The following KAZN variants were observed in gnomAD, a reference collection of about 807,000 sequenced individuals.
The protein encoded by KAZN is kazrin.
KAZN carries 40 observed loss-of-function variants against 87.4 expected under a neutral mutation model. The observed-to-expected ratio is 0.46, with a 90% CI of 0.36 to 0.60. The LOEUF (loss-of-function observed/expected upper bound fraction) is 0.60, where lower values mean the gene tolerates loss of function less well. KAZN is among the 20% of genes least tolerant of loss of function. The pLI is 0.00. For synonymous variants in KAZN, 466 were observed against 458.3 expected (o/e 1.02, Z -0.22); for missense variants, 898 against 1,073.9 (o/e 0.84, Z 2.29).
At chr1:14,035,815 T>C (rs1161973454) in intron 1 of KAZN, among the ~76,000 whole-genome samples, 1 of 152,102 alleles carries the variant, frequency 6.6e-6, no homozygotes, top group Non-Finnish European at 1.5e-5. Flanking sequence ...TTCTGTTATC[T>C]CCCTACTCCC....
At chr1:14,908,969 C>T (rs552789318) in intron 1 of KAZN, among the ~76,000 whole-genome samples, 12 of 151,772 alleles carry the variant, frequency 7.9e-5, no homozygotes, top group Admixed American at 3.3e-4. Flanking sequence ...GGTGACAGGG[C>T]GAGACTCCAT....
At chr1:14,865,316 G>T (rs1478155943) in intron 1 of KAZN, among the ~76,000 whole-genome samples, 1 of 152,212 alleles carries the variant, frequency 6.6e-6, no homozygotes, top group African/African-American at 2.4e-5. Context: ...ATGATAATTA[G>T]AATTGCTTAT....
intron 1 of KAZN, among the ~76,000 whole-genome samples, chr1:13,956,179 G>T (rs1641538386): frequency 6.6e-6 from 1 of 152,122 alleles, no homozygotes; most frequent in African/African-American, 2.4e-5. Context: ...TCCCTTGCTG[G>T]CATTCCCTCT....
In KAZN at chr1:14,252,775, G is replaced by C. The variant is rs185816589; in HGVS notation, c.249+72183G>C. Among the ~76,000 whole-genome samples, 189 of 152,228 alleles carry C rather than the reference G, an allele frequency of 1.2e-3. 2 individuals are homozygous for C. Among genetic ancestry groups the C allele is most frequent in the African/African-American group, 4.5e-3 (187 of 41,532 alleles). On this transcript the variant is annotated intron_variant, in intron 2 of 16. Transcript: ENST00000636203. Reference sequence around the variant, plus strand: ...GTTTCATCAACAAATAAATCCCCACGTCTCAAGGGCCTAACACAATAAATT... The same window carrying C: ...GTTTCATCAACAAATAAATCCCCACCTCTCAAGGGCCTAACACAATAAATT...
At chr1:14,140,473 A>G (rs12133373) in intron 1 of KAZN, among the ~76,000 whole-genome samples, 34,673 of 152,066 alleles carry the variant, frequency 0.23, 5,144 homozygotes, top group Non-Finnish European at 0.34. Context: ...AAACGTTTGC[A>G]TGATCTGCAT....
intron 4 of KAZN, among the ~76,000 whole-genome samples, chr1:15,046,080 CT>C (rs1453279220): frequency 5.3e-5 from 8 of 152,088 alleles, no homozygotes; most frequent in Admixed American, 5.2e-4. Flanking sequence ...GGTGGATCAC[CT>C]GAGGTCAGGA....
At chr1:14,598,577 G>C (rs1051127557), upstream of KAZN, 13 of 809,944 alleles carry the variant, frequency 1.6e-5, no homozygotes, top group African/African-American at 1.7e-4. This position sits in a 1 kb window ranked among gnomAD's most constrained non-coding sequence, Gnocchi z 4.2. Context: ...TCCGAAGTAC[G>C]GGGGCGCGGG....
intron 1 of KAZN, among the ~76,000 whole-genome samples, chr1:14,833,397 G>A (rs1312895759): frequency 6.6e-6 from 1 of 152,184 alleles, no homozygotes; most frequent in African/African-American, 2.4e-5. Flanking sequence ...GTGTGTGTGG[G>A]CAGCAGAATG....
intron 2 of KAZN, among the ~76,000 whole-genome samples, chr1:14,285,969 C>G (rs1486524673): frequency 6.6e-6 from 1 of 152,108 alleles, no homozygotes; most frequent in Non-Finnish European, 1.5e-5. Context: ...GACGCCATAT[C>G]AAGAATGCAC....
intron 1 of KAZN, among the ~76,000 whole-genome samples, chr1:14,661,847 C>T (rs894876321): frequency 2.6e-5 from 4 of 151,882 alleles, no homozygotes; most frequent in Admixed American, 1.3e-4. Flanking sequence ...ATCTGGGAGG[C>T]GGAGGTTACA....
rs140900930 is a variant in KAZN at position 14,270,138 on chromosome 1, G to A, written c.249+89546G>A. Among the ~76,000 whole-genome samples the A allele has an allele frequency of 4.7e-3, 723 of 152,298 alleles. 4 individuals carry two copies. Among genetic ancestry groups the A allele is most frequent in the South Asian group, 4.6e-3 (22 of 4,820 alleles). On this transcript the variant is annotated intron_variant, in intron 2 of 16. Coordinates refer to the KAZN transcript ENST00000636203. ...TCAGATTTCAACATGAGTTTTGGTA[G>A]AGACAAACCACATCCAAACTATAGC...
chr1:14,733,235 A>G (rs548073876), intron 1 of KAZN, among the ~76,000 whole-genome samples: 1 of 152,158 alleles, frequency 6.6e-6, no homozygotes, highest in Non-Finnish European at 1.5e-5. Flanking sequence ...GAATTCTCGC[A>G]TGTTCCCGGC....
chr1:14,655,825 T>C (rs1242631017), intron 1 of KAZN, among the ~76,000 whole-genome samples: 1 of 152,164 alleles, frequency 6.6e-6, no homozygotes, highest in Non-Finnish European at 1.5e-5. Context: ...CCAGTGGGGA[T>C]GGCACCAGGT....
At chr1:14,486,098 T>A (rs1388393220) in intron 2 of KAZN, among the ~76,000 whole-genome samples, 1 of 152,170 alleles carries the variant, frequency 6.6e-6, no homozygotes. Context: ...CAAGCTAACG[T>A]GGCTAAGCTC....
At chr1:14,200,675 A>G (rs866811719) in intron 2 of KAZN, among the ~76,000 whole-genome samples, 4 of 152,178 alleles carry the variant, frequency 2.6e-5, no homozygotes, top group African/African-American at 9.7e-5. Flanking sequence ...TTGTGTGTCT[A>G]TATACATTTT....
intron 1 of KAZN, among the ~76,000 whole-genome samples, chr1:14,602,066 T>G (rs1342153792): frequency 6.6e-6 from 1 of 152,188 alleles, no homozygotes; most frequent in Non-Finnish European, 1.5e-5. Context: ...CATTGGCTGT[T>G]TTGTTCCAGG....
At chr1:14,894,048 C>G (rs1186807478) in intron 1 of KAZN, among the ~76,000 whole-genome samples, 3 of 152,102 alleles carry the variant, frequency 2.0e-5, no homozygotes, top group East Asian at 1.9e-4. Context: ...TAACTGTCCC[C>G]CAAATCCACT....
At chr1:14,926,425 G>A (rs1454292968) in intron 1 of KAZN, among the ~76,000 whole-genome samples, 1 of 152,148 alleles carries the variant, frequency 6.6e-6, no homozygotes, top group Admixed American at 6.5e-5. Flanking sequence ...TATTCCTGCA[G>A]CCCTCATGGT....
intron 2 of KAZN, among the ~76,000 whole-genome samples, chr1:15,011,613 T>C (rs1190792661): frequency 6.6e-6 from 1 of 152,220 alleles, no homozygotes; most frequent in Non-Finnish European, 1.5e-5. Flanking sequence ...AGACTTGAAG[T>C]GTTTTTGTTT....
Sources: gnomAD v4.1 joint callset for allele counts (sites outside exome capture counted in the v4.1 genomes callset) on GRCh38, gnomAD v4.1.1 for gene constraint, Gnocchi (gnomAD v3.1) non-coding constraint, MANE v1.5 for transcripts, NCBI Gene and HGNC (gene_info 2026-07-23, HGNC 2026-07-21) for gene names.